Variants in XKR4 observed in about 807,000 individuals in gnomAD.
XKR4 encodes XK related 4, also known as XK-related protein 4.
Under a neutral mutation model 53.9 loss-of-function variants are expected in XKR4, and 12 were observed. The observed-to-expected ratio is 0.22, with a 90% CI of 0.14 to 0.36. The LOEUF is 0.36. XKR4 is among the 10% of genes least tolerant of loss of function. The probability of loss-of-function intolerance (pLI) is 1.00; values close to 1 mark genes in which losing one functional copy is unlikely to be tolerated. For synonymous variants in XKR4, 354 were observed against 362.4 expected (o/e 0.98, Z 0.26); for missense variants, 799 against 859.5 (o/e 0.93, Z 0.88).
intron 1 of XKR4, among the ~76,000 whole-genome samples, chr8:55,329,894 G>C (rs115912727): frequency 1.3e-5 from 2 of 152,158 alleles, no homozygotes; most frequent in Non-Finnish European, 2.9e-5. Context: ...TAGAGGTTTG[G>C]TTTAAATATG....
At chr8:55,180,979 C>G (rs1035835096) in intron 1 of XKR4, among the ~76,000 whole-genome samples, 3 of 152,086 alleles carry the variant, frequency 2.0e-5, no homozygotes, top group African/African-American at 7.2e-5. Flanking sequence ...TGAATGATGC[C>G]AATGATGGTA....
intron 1 of XKR4, among the ~76,000 whole-genome samples, chr8:55,198,769 A>G (rs896491900): frequency 2.6e-5 from 4 of 152,230 alleles, no homozygotes; most frequent in African/African-American, 9.6e-5. Flanking sequence ...TATAATATAC[A>G]ACCCTGTAAT....
chr8:55,174,420 T>G (rs1279873483), intron 1 of XKR4, among the ~76,000 whole-genome samples: 2 of 152,186 alleles, frequency 1.3e-5, no homozygotes, highest in Non-Finnish European at 2.9e-5. Context: ...CTAAAGGATG[T>G]TGCTTGGACT....
intron 1 of XKR4, among the ~76,000 whole-genome samples, chr8:55,354,155 C>A (rs1803765797): frequency 6.6e-6 from 1 of 152,060 alleles, no homozygotes; most frequent in Non-Finnish European, 1.5e-5. Flanking sequence ...CAAAACCATG[C>A]AGGAGAAAGC....
intron 1 of XKR4, among the ~76,000 whole-genome samples, chr8:55,295,371 T>A (rs1481188485): frequency 2.6e-5 from 4 of 152,226 alleles, no homozygotes. Flanking sequence ...GCTTGTACTT[T>A]AGTATTATTA....
intron 2 of XKR4, among the ~76,000 whole-genome samples, chr8:55,438,589 T>C (rs13259651): frequency 0.52 from 39,251 of 75,480 alleles, 7,975 homozygotes; most frequent in African/African-American, 0.67. Context: ...GACTCCATCT[T>C]GAAAAAAAAA....
At chr8:55,500,785 T>C (rs1233394406) in intron 2 of XKR4, among the ~76,000 whole-genome samples, 1 of 152,192 alleles carries the variant, frequency 6.6e-6, no homozygotes, top group Non-Finnish European at 1.5e-5. Flanking sequence ...AAATTAATGT[T>C]GCTATCCCTA....
At chr8:55,107,327 A>G (rs1157881685) in intron 1 of XKR4, among the ~76,000 whole-genome samples, 3 of 152,112 alleles carry the variant, frequency 2.0e-5, no homozygotes, top group Non-Finnish European at 1.5e-5. Flanking sequence ...ATTTTACCAT[A>G]CAGTCTATGC....
chr8:55,522,172 G>A (rs2129405862), intron 2 of XKR4, among the ~76,000 whole-genome samples: 1 of 152,344 alleles, frequency 6.6e-6, no homozygotes, highest in Non-Finnish European at 1.5e-5. Flanking sequence ...GTGCCATACA[G>A]GAGGTGGAAC....
At chr8:55,209,365 T>C (rs1443049335) in intron 1 of XKR4, among the ~76,000 whole-genome samples, 1 of 152,134 alleles carries the variant, frequency 6.6e-6, no homozygotes, top group African/African-American at 2.4e-5. Context: ...ATAAATCAAT[T>C]AATCTGCTCG....
intron 2 of XKR4, among the ~76,000 whole-genome samples, chr8:55,492,435 T>C (rs1460387082): frequency 1.3e-5 from 2 of 152,256 alleles, no homozygotes; most frequent in Admixed American, 6.5e-5. Flanking sequence ...CTATATTTAA[T>C]TCTGAATTTT....
At chr8:55,182,520 G>T (rs1817324484) in intron 1 of XKR4, among the ~76,000 whole-genome samples, 1 of 152,080 alleles carries the variant, frequency 6.6e-6, no homozygotes, top group African/African-American at 2.4e-5. Flanking sequence ...TTTTACATTT[G>T]GATGTCTAGG....
intron 2 of XKR4, among the ~76,000 whole-genome samples, chr8:55,508,466 C>T (rs1220480089): frequency 4.6e-5 from 7 of 152,196 alleles, no homozygotes; most frequent in Non-Finnish European, 8.8e-5. Context: ...TCCCTACCCT[C>T]ATGAATGCCA....
At chr8:55,452,910 G>A in intron 2 of XKR4, 1 of 799,548 alleles carries the variant, frequency 1.3e-6, no homozygotes, top group Non-Finnish European at 2.2e-6. Flanking sequence ...ATAGTGGATG[G>A]CCTGGCTGAA....
In XKR4 at chr8:55,532,318, C is replaced by A. The variant is rs1275759787; in HGVS notation, c.*8091C>A. 6.6e-6 allele frequency: 1 copy of A among 151,984 alleles called. No homozygotes were observed. The highest frequency in any genetic ancestry group is 1.9e-4 in the East Asian group (1 of 5,196). 9.4% of individuals were successfully genotyped at this position (151,984 alleles called of 1,614,324 possible). A position where few individuals can be genotyped will look rare whatever the true frequency, so the allele number is the denominator to read the frequency against. On this transcript the variant is annotated 3_prime_UTR_variant, in exon 3 of 3. Transcript: ENST00000327381. ...AATTATTGCTATTTTAGTCATTGGA[C>A]CAGACAAAATGAAGCATATAATTAC...
At chr8:55,474,465 TA>T (rs1221655485) in intron 2 of XKR4, among the ~76,000 whole-genome samples, 2 of 152,090 alleles carry the variant, frequency 1.3e-5, no homozygotes, top group Non-Finnish European at 2.9e-5. Flanking sequence ...TCTACCATCT[TA>T]AAAGAAAAAA....
intron 1 of XKR4, among the ~76,000 whole-genome samples, chr8:55,154,839 G>T (rs921798183): frequency 1.3e-5 from 2 of 152,186 alleles, no homozygotes; most frequent in East Asian, 3.8e-4. Context: ...TTATTGAGAA[G>T]AGAAATAAGT....
At chr8:55,205,371 T>TA (rs1817631691) in intron 1 of XKR4, among the ~76,000 whole-genome samples, 2 of 151,836 alleles carry the variant, frequency 1.3e-5, no homozygotes, top group African/African-American at 4.9e-5. Context: ...GTCATAAAAT[T>TA]AGACTCAAAT....
intron 1 of XKR4, among the ~76,000 whole-genome samples, chr8:55,330,228 G>A (rs1476717659): frequency 6.6e-6 from 1 of 152,118 alleles, no homozygotes; most frequent in East Asian, 1.9e-4. Context: ...TTAAAAGCAT[G>A]GGCATGATAA....
Sources: allele counts gnomAD v4.1 joint callset (sites outside exome capture counted in the v4.1 genomes callset), GRCh38; gene constraint gnomAD v4.1.1; transcripts MANE v1.5; gene names NCBI Gene and HGNC (gene_info 2026-07-23, HGNC 2026-07-21).